The following MZT2B variants were observed in gnomAD, a reference collection of about 807,000 sequenced individuals.
MZT2B encodes the protein mitotic-spindle organizing protein 2B.
In MZT2B, 11 loss-of-function variants were observed where a neutral mutation model predicts 12.1. That is an observed-to-expected ratio of 0.91 (90% CI 0.57 to 1.50). MZT2B has a LOEUF of 1.50. MZT2B is among the 40% of genes most tolerant of loss of function. The pLI, the probability that MZT2B is intolerant of heterozygous loss-of-function variation, is 0.00. For missense variants in MZT2B, 209 were observed against 227.7 expected (o/e 0.92, Z 0.53); for synonymous variants, 85 against 109.5 (o/e 0.78, Z 1.40).
downstream of MZT2B, chr2:130,193,877 T>TC (rs745980417): frequency 6.2e-7 from 1 of 1,613,950 alleles, no homozygotes; most frequent in African/African-American, 1.3e-5. Context: ...GGGGACCACG[T>TC]CCCCCCTGTA....
In MZT2B at chr2:130,190,648, A is replaced by G. The variant is rs527316270; in HGVS notation, c.*22A>G. 2.5e-6 allele frequency: 4 copies of G among 1,585,030 alleles called. No individual in the cohort carries two copies. The highest frequency in any genetic ancestry group is 2.6e-6 in the Non-Finnish European group (3 of 1,159,144). On this transcript the variant is annotated 3_prime_UTR_variant, in exon 3 of 3. Coordinates refer to ENST00000281871, the MANE Select transcript of MZT2B (RefSeq NM_025029.5). ...CTAGGATGGGGCAGAGACTTGTTGC[A>G]TCTTTGTCCCCAGCAAAGGCTACAT...
At position 130,182,664 on chromosome 2, in the gene MZT2B, C is replaced by T. The variant is rs1332520198; in HGVS notation, c.208C>T (p.Leu70Phe). The T allele has an allele frequency of 2.6e-6, 4 of 1,553,400 alleles. No individual in the cohort carries two copies. Among genetic ancestry groups the T allele is most frequent in the East Asian group, 2.4e-5 (1 of 41,464 alleles). ...CCTGCTGAAGCTGAACGTGGCCCCC[C>T]TCGCCGTCTTCCAGATGCTCAAGTC... ...VDLLKLNVAP[L>F]AVFQMLKSMC... Residue 70 changes from leucine (L) to phenylalanine (F), a missense_variant, in exon 2 of 3, where the codon CTC becomes TTC. Leu to Phe is a conservative substitution (Grantham distance 22, BLOSUM62 0). Transcript: ENST00000281871.
the MZT2B span, among the ~76,000 whole-genome samples, chr2:130,200,339 C>T: frequency 2.0e-5 from 3 of 151,028 alleles, no homozygotes; most frequent in African/African-American, 7.3e-5. Flanking sequence ...TGCAGTGAGC[C>T]GAGATAACAC....
chr2:130,193,758 G>C (rs1690328698), downstream of MZT2B: 1 of 1,576,850 alleles, frequency 6.3e-7, no homozygotes. Flanking sequence ...GCTGCTTGCT[G>C]AAAGGCCTCC....
intron 2 of MZT2B, among the ~76,000 whole-genome samples, chr2:130,189,856 CTG>C (rs1394853730): frequency 6.6e-6 from 1 of 152,056 alleles, no homozygotes; most frequent in Non-Finnish European, 1.5e-5. Flanking sequence ...AGCATTCAGA[CTG>C]TGGCAGGAAC....
chr2:130,182,615 TG>T lies in MZT2B; in HGVS notation c.171-11del. The T allele has an allele frequency of 6.5e-7, 1 of 1,545,630 alleles. No homozygotes were observed. The highest frequency in any genetic ancestry group is 1.2e-5 in the South Asian group (1 of 83,312). On this transcript the variant is annotated splice_polypyrimidine_tract_variant and intron_variant, in intron 1 of 2. Coordinates refer to ENST00000281871, the MANE Select transcript of MZT2B (RefSeq NM_025029.5). ...GGAGAGGGCTCACCGGCCCCGCGTCTGTCCCCGCCAGGATCCTGGTGGACCT... is the reference window on the plus strand; with the variant it reads ...GGAGAGGGCTCACCGGCCCCGCGTCTTCCCCGCCAGGATCCTGGTGGACCT...
At chr2:130,197,343 C>T in the MZT2B span, among the ~76,000 whole-genome samples, 1 of 141,164 alleles carries the variant, frequency 7.1e-6, no homozygotes, top group African/African-American at 2.6e-5. Context: ...ACAAATTAGC[C>T]AGGTGTGGTG....
intron 2 of MZT2B, among the ~76,000 whole-genome samples, chr2:130,187,441 G>T (rs1169669899): frequency 6.6e-6 from 1 of 152,126 alleles, no homozygotes; most frequent in East Asian, 1.9e-4. Flanking sequence ...CTCCCGCCTT[G>T]GCCTCCCAAA....
At chr2:130,191,141 G>T (rs554959329), downstream of MZT2B, among the ~76,000 whole-genome samples, 2,537 of 152,196 alleles carry the variant, frequency 0.017, 55 homozygotes, top group African/African-American at 0.056. Flanking sequence ...TAGTAGAGAC[G>T]GGGTTTCACT....
rs1250031178 is a variant in MZT2B, at chr2:130,182,387, C to G, written c.105C>G (p.Thr35=). Residue 35 remains threonine, a synonymous_variant, in exon 1 of 3, where the codon ACC becomes ACG. Coordinates refer to ENST00000281871, the MANE Select transcript of MZT2B (RefSeq NM_025029.5). ...TGCGGCGGAAGAAGGTGCTGAGCAC[C>G]GAGGAGATGGAGCTGTACGAGCTGG... ...LALRRKKVLS[T]EEMELYELAQ... is the part of the protein sequence containing the mutation. 35 of 1,557,628 alleles carry G rather than the reference C, an allele frequency of 2.2e-5. No homozygotes were observed. The highest frequency in any genetic ancestry group is 2.8e-5 in the Non-Finnish European group (32 of 1,155,338).
intron 2 of MZT2B, chr2:130,184,998 C>G: frequency 1.6e-6 from 1 of 625,962 alleles, no homozygotes; most frequent in Non-Finnish European, 2.0e-6. Context: ...GACCCCATCT[C>G]TACAAAAAAT....
intron 2 of MZT2B, chr2:130,184,013 T>G: frequency 6.4e-7 from 1 of 1,550,452 alleles, no homozygotes; most frequent in South Asian, 1.2e-5. Flanking sequence ...CTCCCTTGTT[T>G]CCATGGAAAC....
intron 2 of MZT2B, chr2:130,183,851 G>A (rs887972679): frequency 5.8e-6 from 9 of 1,550,470 alleles, no homozygotes; most frequent in African/African-American, 4.1e-5. Context: ...CCTCCAGCCC[G>A]CAGCCTGCGG....
downstream of MZT2B, among the ~76,000 whole-genome samples, chr2:130,193,221 GC>G (rs933142905): frequency 9.9e-5 from 15 of 151,298 alleles, no homozygotes; most frequent in African/African-American, 3.4e-4. Flanking sequence ...CACTACTACA[GC>G]CTGAGAGACA....
At chr2:130,203,663 G>C in the MZT2B span, among the ~76,000 whole-genome samples, 1 of 151,726 alleles carries the variant, frequency 6.6e-6, no homozygotes, top group African/African-American at 2.4e-5. Context: ...CCCAGGCGCT[G>C]GTCTTGAACT....
At chr2:130,186,163 GCT>G in intron 2 of MZT2B, among the ~76,000 whole-genome samples, 4 of 152,160 alleles carry the variant, frequency 2.6e-5, no homozygotes, top group Non-Finnish European at 4.4e-5. Flanking sequence ...GAGTGATCCG[GCT>G]GGGGGGCATG....
downstream of MZT2B, among the ~76,000 whole-genome samples, chr2:130,194,865 A>AT (rs1236537922): frequency 1.3e-5 from 2 of 152,144 alleles, no homozygotes; most frequent in Non-Finnish European, 2.9e-5. Flanking sequence ...TTTAGTAGAC[A>AT]TAGAGTTTCA....
downstream of MZT2B, chr2:130,191,720 C>G: frequency 6.6e-7 from 1 of 1,520,872 alleles, no homozygotes; most frequent in African/African-American, 1.4e-5. Flanking sequence ...GTAGGCAGAG[C>G]TAAGCTGCAT....
At chr2:130,193,824 T>G (rs754579736), downstream of MZT2B, 1 of 1,613,556 alleles carries the variant, frequency 6.2e-7, no homozygotes, top group African/African-American at 1.3e-5. Flanking sequence ...AACTGGATAG[T>G]GCGCTTGGTC....
Sources: gnomAD v4.1 joint callset for allele counts (sites outside exome capture counted in the v4.1 genomes callset) on GRCh38, gnomAD v4.1.1 for gene constraint, MANE v1.5 for transcripts, NCBI Gene and HGNC (gene_info 2026-07-23, HGNC 2026-07-21) for gene names.